KLHL25: variants seen among roughly 807,000 people sequenced by gnomAD.
KLHL25 encodes kelch like family member 25.
A neutral mutation model predicts 30.0 loss-of-function variants in KLHL25; 41 were observed. That is an observed-to-expected ratio of 1.37 (90% CI 1.07 to 1.78). The LOEUF is 1.78. Among genes scored for constraint, KLHL25 ranks in the 40% most tolerant of loss-of-function variants. The pLI is 0.00. For missense variants in KLHL25, 971 were observed against 824.5 expected, an observed-to-expected ratio of 1.18 and a Z score of -2.18; for synonymous variants, 399 against 355.3, an observed-to-expected ratio of 1.12 and a Z score of -1.38.
At chr15:85,776,903 G>T (rs2430837) in intron 1 of KLHL25, among the ~76,000 whole-genome samples, 122,557 of 151,736 alleles carry the variant, frequency 0.81, 49,594 homozygotes, top group East Asian at 0.95. Flanking sequence ...CCAGCCTGGG[G>T]GACACAGCAA....
At chr15:85,793,925 C>T (rs1463530297) in intron 1 of KLHL25, among the ~76,000 whole-genome samples, 1 of 152,244 alleles carries the variant, frequency 6.6e-6, no homozygotes, top group Non-Finnish European at 1.5e-5. Flanking sequence ...AGAGATGTTT[C>T]TTTGTTCAAA....
In KLHL25 at chr15:85,769,460, A is replaced by G. The variant is rs1472609117; in HGVS notation, c.351T>C (p.Ala117=). 3.1e-6 allele frequency: 5 copies of G among 1,614,042 alleles called. No homozygotes were observed. The highest frequency in any genetic ancestry group is 4.2e-6 in the Non-Finnish European group (5 of 1,180,014). ...TGTCGCCTGCCTCCAGCAGTGACTC[A>G]GCGTTCTCCTCGTTGATGGCGATGC... ...SSRIAINEEN[A]ESLLEAGDML... Residue 117 remains alanine (A), a synonymous_variant, in exon 2 of 3, where the codon GCT becomes GCC. Transcript: ENST00000337975.
chr15:85,776,279 A>G (rs1170017914), intron 1 of KLHL25, among the ~76,000 whole-genome samples: 4 of 150,752 alleles, frequency 2.7e-5, no homozygotes, highest in African/African-American at 9.8e-5. Context: ...ACCTGAGGTC[A>G]GGAGTTGGAG....
intron 1 of KLHL25, among the ~76,000 whole-genome samples, chr15:85,782,319 C>T (rs867729820): frequency 4.6e-5 from 7 of 152,014 alleles, no homozygotes; most frequent in Middle Eastern, 3.2e-3. Context: ...CCCAGTCTTG[C>T]GTCACCACTG....
chr15:85,793,788 A>G (rs1040022416), intron 1 of KLHL25, among the ~76,000 whole-genome samples: 1 of 152,142 alleles, frequency 6.6e-6, no homozygotes, highest in African/African-American at 2.4e-5. Flanking sequence ...GAGGAGAGTC[A>G]AAGTCCAGCC....
At chr15:85,778,530 G>A (rs1482738046) in intron 1 of KLHL25, among the ~76,000 whole-genome samples, 1 of 152,170 alleles carries the variant, frequency 6.6e-6, no homozygotes, top group Non-Finnish European at 1.5e-5. Flanking sequence ...GCATTTCACA[G>A]CTTAGGAAAC....
At chr15:85,764,869 G>T (rs180738989) in intron 2 of KLHL25, among the ~76,000 whole-genome samples, 51 of 152,368 alleles carry the variant, frequency 3.3e-4, no homozygotes, top group Non-Finnish European at 3.2e-4. Context: ...GTCCAGATGG[G>T]GAAGCTGAGC....
chr15:85,785,426 G>C (rs2089774859), intron 1 of KLHL25, among the ~76,000 whole-genome samples: 1 of 152,206 alleles, frequency 6.6e-6, no homozygotes, highest in Non-Finnish European at 1.5e-5. Context: ...GTCCTTAGCA[G>C]AGTGGGTAGT....
At chr15:85,772,677 A>G (rs1194419832) in intron 1 of KLHL25, among the ~76,000 whole-genome samples, 1 of 152,234 alleles carries the variant, frequency 6.6e-6, no homozygotes, top group African/African-American at 2.4e-5. Context: ...AAGACTCAAA[A>G]GACCGAGAAA....
chr15:85,783,007 G>T (rs1410121049), intron 1 of KLHL25, among the ~76,000 whole-genome samples: 1 of 152,198 alleles, frequency 6.6e-6, no homozygotes, highest in Non-Finnish European at 1.5e-5. Context: ...ATGATCCAGA[G>T]ATCTGTTAGA....
intron 1 of KLHL25, among the ~76,000 whole-genome samples, chr15:85,794,288 C>T (rs2089836715): frequency 6.6e-6 from 1 of 152,228 alleles, no homozygotes; most frequent in Admixed American, 6.5e-5. Context: ...CCCGCGCAAA[C>T]CCTCCCCTTG....
At chr15:85,766,678 A>G (rs17639314) in intron 2 of KLHL25, among the ~76,000 whole-genome samples, 23,494 of 152,102 alleles carry the variant, frequency 0.15, 2,430 homozygotes, top group Non-Finnish European at 0.24. Context: ...CCTCCCACAG[A>G]GTGCCTTCCG....
At chr15:85,790,467 A>G (rs138320982) in intron 1 of KLHL25, among the ~76,000 whole-genome samples, 1 of 152,328 alleles carries the variant, frequency 6.6e-6, no homozygotes, top group African/African-American at 2.4e-5. Context: ...TAAGCAAGTA[A>G]CTCGAGCCTT....
chr15:85,776,049 T>C (rs568740616), intron 1 of KLHL25, among the ~76,000 whole-genome samples: 2 of 151,184 alleles, frequency 1.3e-5, no homozygotes, highest in Non-Finnish European at 2.9e-5. Flanking sequence ...GGCGTGTGCC[T>C]GTAGTCCCAG....
rs973571243 is a variant in KLHL25, at chr15:85,789,998, G to A, written c.-11+4768C>T. ...CTACGTCACCCCTCTCACTCTACAG[G>A]TGAAAAAACTAGATCCCAGAGAAAG... On this transcript the variant is annotated intron_variant, in intron 1 of 2. Transcript: ENST00000337975. This position sits in a 1 kb window ranked among gnomAD's most constrained non-coding sequence, Gnocchi z 4.1. 6.6e-6 allele frequency among the ~76,000 whole-genome samples: 1 copy of A among 152,158 alleles called. No homozygotes were observed. The highest frequency in any genetic ancestry group is 1.5e-5 in the Non-Finnish European group (1 of 68,024).
intron 1 of KLHL25, among the ~76,000 whole-genome samples, chr15:85,793,213 G>C (rs1311785594): frequency 6.6e-6 from 1 of 152,122 alleles, no homozygotes; most frequent in African/African-American, 2.4e-5. Context: ...ACCTGCTTCC[G>C]ATGTGGAGCA....
intron 2 of KLHL25, 83 bp downstream of exon 2, chr15:85,767,934 C>T (rs1455080431): frequency 1.1e-6 from 1 of 918,550 alleles, no homozygotes; most frequent in Admixed American, 2.7e-5. Context: ...ACACGGTGAC[C>T]TTCACCCAGT....
chr15:85,764,869 G>C (rs180738989), intron 2 of KLHL25, among the ~76,000 whole-genome samples: 1 of 152,250 alleles, frequency 6.6e-6, no homozygotes, highest in Non-Finnish European at 1.5e-5. Flanking sequence ...GTCCAGATGG[G>C]GAAGCTGAGC....
rs969772011 is a variant in KLHL25, at chr15:85,760,715, T to C, written c.*321A>G. The stretch of plus-strand genomic sequence containing the variant: ...CCCAGTCCAGGACCTGCCAAACAGG[T>C]GATCTCAAGGCTCTGCAAGTGTCCT... On this transcript the variant is annotated 3_prime_UTR_variant, in exon 3 of 3. Coordinates refer to ENST00000337975, the MANE Select transcript of KLHL25 (RefSeq NM_022480.4). 2.6e-5 allele frequency: 4 copies of C among 152,390 alleles called. No homozygotes were observed. Among genetic ancestry groups the C allele is most frequent in the Non-Finnish European group, 5.9e-5 (4 of 68,160 alleles). The allele number at this position is 152,390 out of a possible 1,614,324, so 9.4% of individuals were successfully genotyped here. A position where few individuals can be genotyped will look rare whatever the true frequency, so the allele number is the denominator to read the frequency against.
Sources: allele counts gnomAD v4.1 joint callset (sites outside exome capture counted in the v4.1 genomes callset), GRCh38; gene constraint gnomAD v4.1.1; non-coding constraint Gnocchi (gnomAD v3.1); transcripts MANE v1.5; gene names NCBI Gene and HGNC (gene_info 2026-07-23, HGNC 2026-07-21).